EPB41L1: variants seen among roughly 807,000 people sequenced by gnomAD.
The protein encoded by EPB41L1 is erythrocyte membrane protein band 4.1 like 1, also known as band 4.1-like protein 1.
A neutral mutation model predicts 97.8 loss-of-function variants in EPB41L1; 29 were observed. The observed-to-expected ratio is 0.30, with a 90% CI of 0.22 to 0.40. The LOEUF is 0.40. Ranked by LOEUF, EPB41L1 falls within the 10% of genes least tolerant of loss-of-function variation. The pLI, the probability that EPB41L1 is intolerant of heterozygous loss-of-function variation, is 1.00. For missense variants in EPB41L1, 812 were observed against 1,162.3 expected, an observed-to-expected ratio of 0.70 and a Z score of 4.38; for synonymous variants, 383 against 459.2, an observed-to-expected ratio of 0.83 and a Z score of 2.12.
Position 36,162,827 on chromosome 20 carries a change from C to T in EPB41L1, c.-15+7931C>T, listed in dbSNP as rs138935110. On this transcript the variant is annotated intron_variant, in intron 1 of 21. Transcript: ENST00000338074. ...ACATTGTTTGGTCTAAAGTGGTGTC[C>T]GTGGGTACTGCAAACCTCTGACGAA... is the stretch of plus-strand genomic sequence containing the variant. Among the ~76,000 whole-genome samples, 541 of 152,278 alleles carry T rather than the reference C, an allele frequency of 3.6e-3. 1 individual carries two copies. Among genetic ancestry groups the T allele is most frequent in the African/African-American group, 9.7e-3 (405 of 41,562 alleles).
chr20:36,105,114 A>G (rs553432007), intron 1 of EPB41L1, among the ~76,000 whole-genome samples: 1 of 152,210 alleles, frequency 6.6e-6, no homozygotes, highest in East Asian at 1.9e-4. Context: ...ATGTGGGGGA[A>G]ATCAGGGGGT....
intron 2 of EPB41L1, among the ~76,000 whole-genome samples, chr20:36,137,394 T>A: frequency 6.6e-6 from 1 of 151,516 alleles, no homozygotes; most frequent in Non-Finnish European, 1.5e-5. Context: ...AAAAAAAATT[T>A]TTTTTGGATA....
chr20:36,213,631 A>C (rs2063268463), intron 16 of EPB41L1, among the ~76,000 whole-genome samples: 1 of 152,174 alleles, frequency 6.6e-6, no homozygotes, highest in African/African-American at 2.4e-5. Flanking sequence ...CATACAGAAA[A>C]GTATAAAGAA....
At position 36,221,739 on chromosome 20, in the gene EPB41L1, G is replaced by C. The variant is rs2063793159; in HGVS notation, c.2440-125G>C. Reference sequence around the variant, plus strand: ...ATCAGAAAAGAAAAAATCTGAGGAAGTCAGGAGAGAAGGTAACTGCTGGTT... The same window carrying C: ...ATCAGAAAAGAAAAAATCTGAGGAACTCAGGAGAGAAGGTAACTGCTGGTT... On this transcript the variant is annotated intron_variant, in intron 19 of 21. Transcript: ENST00000338074. The C allele has an allele frequency of 3.6e-6, 3 of 830,688 alleles. No individual in the cohort carries two copies. In the African/African-American group the frequency reaches 5.0e-5, roughly 14 times the overall value. The allele number at this position is 830,688 out of a possible 1,614,324, so 51.5% of individuals were successfully genotyped here.
At chr20:36,123,799 C>T (rs2058849916) in intron 2 of EPB41L1, among the ~76,000 whole-genome samples, 1 of 152,162 alleles carries the variant, frequency 6.6e-6, no homozygotes, top group Admixed American at 6.6e-5. Flanking sequence ...GAGGACATTC[C>T]CAGCCTGAGA....
At chr20:36,175,802 C>A in intron 3 of EPB41L1, 87 bp downstream of exon 3, 1 of 1,473,524 alleles carries the variant, frequency 6.8e-7, no homozygotes, top group Non-Finnish European at 9.4e-7. Context: ...CCAGCTTGGG[C>A]CAAACCAGAG....
At position 36,198,024 on chromosome 20, in the gene EPB41L1, C is replaced by T; in HGVS notation, c.1651C>T (p.Pro551Ser). The T allele has an allele frequency of 6.2e-7, 1 of 1,613,586 alleles. No homozygotes were observed. Among genetic ancestry groups the T allele is most frequent in the Non-Finnish European group, 8.5e-7 (1 of 1,179,992 alleles). The change falls in exon 14 of 22, where the codon CCT becomes TCT. Residue 551 changes from proline to serine, a missense_variant. Pro to Ser is a moderately conservative substitution (Grantham distance 74). Transcript: ENST00000338074. ...CGCCTCCCCCTCCCCCAAGGGCACC[C>T]CTGAGAAAGCCAATGAGGTAGGTGT... ...SPASPSPKGT[P>S]EKANERAGLR...
chr20:36,221,330 A>G (rs2063767831), intron 19 of EPB41L1, among the ~76,000 whole-genome samples: 1 of 152,276 alleles, frequency 6.6e-6, no homozygotes, highest in Non-Finnish European at 1.5e-5. Flanking sequence ...TGCTTAAGGC[A>G]GAACCTTGTC....
At position 36,209,984 on chromosome 20, in the gene EPB41L1, C is replaced by G; in HGVS notation, c.2079+86C>G. The G allele has an allele frequency of 6.6e-7, 1 of 1,507,598 alleles. No homozygotes were observed. Among genetic ancestry groups the G allele is most frequent in the Non-Finnish European group, 9.0e-7 (1 of 1,108,334 alleles). 93.4% of individuals were successfully genotyped at this position (1,507,598 alleles called of 1,614,324 possible). A position where few individuals can be genotyped will look rare whatever the true frequency, so the allele number is the denominator to read the frequency against. ...GGCCACCCGTGAGAAGACCGAGCAC[C>G]CAGCCTGCAGCCTGAAGCTCTGTCT... On this transcript the variant is annotated intron_variant, in intron 15 of 21. Coordinates refer to ENST00000338074, the MANE Select transcript of EPB41L1 (RefSeq NM_012156.2). The surrounding 1 kb of genome is among the most constrained non-coding windows in gnomAD (Gnocchi z 4.2).
rs143564876 is a variant in EPB41L1 at position 36,189,145 on chromosome 20, T to C, written c.1026+646T>C. On this transcript the variant is annotated intron_variant, in intron 9 of 21. Coordinates refer to ENST00000338074, the MANE Select transcript of EPB41L1 (RefSeq NM_012156.2). Reference sequence around the variant, plus strand: ...TTTGGTTGTACCTGTAGAATAAACATGAACCCATTTGCTTCTCTTCCTCTC... The same window carrying C: ...TTTGGTTGTACCTGTAGAATAAACACGAACCCATTTGCTTCTCTTCCTCTC... 1.7e-3 allele frequency among the ~76,000 whole-genome samples: 254 copies of C among 152,284 alleles called. 1 individual carries two copies. The highest frequency in any genetic ancestry group is 5.9e-3 in the African/African-American group (244 of 41,566).
intron 17 of EPB41L1, among the ~76,000 whole-genome samples, chr20:36,216,830 G>T (rs562202280): frequency 1.3e-5 from 2 of 152,242 alleles, no homozygotes; most frequent in African/African-American, 4.8e-5. Flanking sequence ...ATGCAGAGAA[G>T]GGGTCAGGGT....
intron 14 of EPB41L1, chr20:36,200,737 A>T: frequency 5.3e-6 from 2 of 374,492 alleles, no homozygotes; most frequent in South Asian, 2.0e-5. Flanking sequence ...TATGGGACTT[A>T]AAAAGCTGGG....
At chr20:36,113,408 T>TTGTGTGTGTGTG (rs3057822) in intron 2 of EPB41L1, among the ~76,000 whole-genome samples, 2 of 143,470 alleles carry the variant, frequency 1.4e-5, no homozygotes, top group Non-Finnish European at 3.1e-5. Context: ...AACTTTCCAT[T>TTGTGTGTGTGTG]TGTGTGTGTG....
rs73101497 is a variant in EPB41L1, at chr20:36,208,067, G to A, written c.1669-1421G>A. Among the ~76,000 whole-genome samples, 398 of 152,210 alleles carry A rather than the reference G, an allele frequency of 2.6e-3. 1 individual carries two copies. The highest frequency in any genetic ancestry group is 3.3e-3 in the Non-Finnish European group (227 of 68,012). ...ACACAACCCCCATGGAGAAGGTGGC[G>A]CCACCACCAGCAAATGACACACCTG... is the stretch of plus-strand genomic sequence containing the variant. On this transcript the variant is annotated intron_variant, in intron 14 of 21. Coordinates refer to ENST00000338074, the MANE Select transcript of EPB41L1 (RefSeq NM_012156.2).
chr20:36,176,074 C>T (rs953863626), intron 3 of EPB41L1, among the ~76,000 whole-genome samples: 3 of 152,160 alleles, frequency 2.0e-5, no homozygotes, highest in Non-Finnish European at 4.4e-5. Context: ...AAATTAGAAT[C>T]ATTTTTATAT....
intron 1 of EPB41L1, among the ~76,000 whole-genome samples, chr20:36,158,888 C>A (rs957503280): frequency 1.3e-5 from 2 of 152,160 alleles, no homozygotes; most frequent in Admixed American, 1.3e-4. Context: ...TGACGTGAGC[C>A]GGGATGCTCT....
intron 7 of EPB41L1, among the ~76,000 whole-genome samples, chr20:36,185,968 T>C (rs1170642186): frequency 6.6e-6 from 1 of 152,220 alleles, no homozygotes; most frequent in African/African-American, 2.4e-5. Flanking sequence ...GGACGATAAT[T>C]AACTAGTGTG....
At chr20:36,135,607 C>T (rs974606701) in intron 2 of EPB41L1, among the ~76,000 whole-genome samples, 2 of 152,242 alleles carry the variant, frequency 1.3e-5, no homozygotes, top group African/African-American at 4.8e-5. Context: ...TGTGGGCTTT[C>T]ACCTCTTGCC....
intron 17 of EPB41L1, among the ~76,000 whole-genome samples, chr20:36,218,215 T>G (rs1016480277): frequency 2.6e-5 from 4 of 152,192 alleles, no homozygotes; most frequent in African/African-American, 9.7e-5. Flanking sequence ...CTTAAGTTTC[T>G]CTTGCCCTCC....
Sources: gnomAD v4.1 joint callset for allele counts (sites outside exome capture counted in the v4.1 genomes callset) on GRCh38, gnomAD v4.1.1 for gene constraint, Gnocchi (gnomAD v3.1) non-coding constraint, MANE v1.5 for transcripts, NCBI Gene and HGNC (gene_info 2026-07-23, HGNC 2026-07-21) for gene names.